The following COLEC10 variants were observed in gnomAD, a reference collection of about 807,000 sequenced individuals.
COLEC10 encodes the protein collectin-10.
A neutral mutation model predicts 28.4 loss-of-function variants in COLEC10; 22 were observed. The ratio of observed to expected loss-of-function variants is 0.78; its 90% CI spans 0.55 to 1.11. COLEC10 has a LOEUF of 1.11. COLEC10 is among the 50% of genes least tolerant of loss of function. The pLI is 0.00. For synonymous variants in COLEC10, 125 were observed against 116.1 expected (o/e 1.08, Z -0.49); for missense variants, 361 against 344.1 (o/e 1.05, Z -0.39).
chr8:119,018,341 G>A (rs1587000804), intron 2 of COLEC10, among the ~76,000 whole-genome samples: 1 of 152,072 alleles, frequency 6.6e-6, no homozygotes, highest in East Asian at 1.9e-4. Flanking sequence ...TACTTTGATG[G>A]TTTCTCAACT....
the COLEC10 span, among the ~76,000 whole-genome samples, chr8:118,978,003 T>C: frequency 2.0e-5 from 3 of 151,902 alleles, no homozygotes; most frequent in Admixed American, 6.6e-5. Flanking sequence ...GGGTACTTAA[T>C]AGAAAGACGT....
the COLEC10 span, among the ~76,000 whole-genome samples, chr8:118,971,945 C>A: frequency 1.3e-5 from 2 of 151,976 alleles, no homozygotes; most frequent in Non-Finnish European, 2.9e-5. Context: ...CCACCTGCAA[C>A]CAGACTTCTA....
chr8:119,032,797 G>A (rs980536074), intron 2 of COLEC10, among the ~76,000 whole-genome samples: 1 of 152,222 alleles, frequency 6.6e-6, no homozygotes, highest in African/African-American at 2.4e-5. Flanking sequence ...AGCTACCTGG[G>A]AGGCTGAGGC....
At chr8:119,067,190 C>T (rs1306780045), upstream of COLEC10, 7 of 1,335,428 alleles carry the variant, frequency 5.2e-6, no homozygotes, top group East Asian at 1.4e-4. Flanking sequence ...GTTCCAAATA[C>T]TTCCCCTTCT....
At chr8:119,034,731 G>T (rs532694051) in intron 2 of COLEC10, among the ~76,000 whole-genome samples, 4 of 152,178 alleles carry the variant, frequency 2.6e-5, no homozygotes, top group African/African-American at 9.6e-5. Context: ...AAACTATGAT[G>T]TTAGTCTTAC....
At chr8:118,980,992 T>C in the COLEC10 span, among the ~76,000 whole-genome samples, 1 of 151,946 alleles carries the variant, frequency 6.6e-6, no homozygotes, top group Non-Finnish European at 1.5e-5. Flanking sequence ...CAAGGTACCA[T>C]ATATTTCTTT....
upstream of COLEC10, among the ~76,000 whole-genome samples, chr8:118,991,595 C>T (rs1442463076): frequency 2.0e-5 from 3 of 152,046 alleles, no homozygotes; most frequent in African/African-American, 4.8e-5. Context: ...ATGCACTCAC[C>T]ATAATACATT....
At chr8:118,986,998 T>G in the COLEC10 span, among the ~76,000 whole-genome samples, 1 of 152,084 alleles carries the variant, frequency 6.6e-6, no homozygotes. Flanking sequence ...CTAAGTACCA[T>G]TGAACTATGC....
intron 1 of COLEC10, chr8:119,009,369 TC>T (rs1813863900): frequency 6.6e-6 from 1 of 150,674 alleles, no homozygotes; most frequent in East Asian, 1.9e-4. Context: ...AAGTTCTCTC[TC>T]TCTCTCTTTC....
intron 2 of COLEC10, among the ~76,000 whole-genome samples, chr8:119,046,869 C>A (rs2130167201): frequency 6.6e-6 from 1 of 152,300 alleles, no homozygotes; most frequent in Admixed American, 6.5e-5. Flanking sequence ...GATCATGACC[C>A]ATAAACTATC....
intron 3 of COLEC10, among the ~76,000 whole-genome samples, chr8:119,092,720 A>T (rs1815633023): frequency 1.3e-5 from 2 of 152,084 alleles, no homozygotes; most frequent in South Asian, 4.2e-4. Flanking sequence ...AGCCTGGCCA[A>T]GATAGCAAAA....
chr8:119,033,258 A>AT (rs573004274), intron 2 of COLEC10, among the ~76,000 whole-genome samples: 15 of 150,478 alleles, frequency 1.0e-4, no homozygotes, highest in Middle Eastern at 3.4e-3. Flanking sequence ...TCTTCAGATA[A>AT]TTTTTTTTTT....
In COLEC10 at chr8:119,102,413, T is replaced by C. The variant is rs774362310; in HGVS notation, c.346+12T>C. On this transcript the variant is annotated intron_variant, in intron 4 of 5. Coordinates refer to ENST00000332843, the MANE Select transcript of COLEC10 (RefSeq NM_006438.5). ...AAAAGGCAAAGCAGGTACGATATGTTCAATGTTCTCTTTGATTTCTAGCAT... is the reference window on the plus strand; with the variant it reads ...AAAAGGCAAAGCAGGTACGATATGTCCAATGTTCTCTTTGATTTCTAGCAT... 6 of 1,594,000 alleles carry C rather than the reference T, an allele frequency of 3.8e-6. No individual in the cohort carries two copies. In the South Asian group the frequency reaches 6.9e-5, roughly 18 times the overall value.
At chr8:119,076,262 CT>C (rs71296909) in intron 1 of COLEC10, among the ~76,000 whole-genome samples, 10,370 of 138,294 alleles carry the variant, frequency 0.075, 452 homozygotes, top group Middle Eastern at 0.18. Flanking sequence ...ACACAAAATT[CT>C]TTTTTTTTTT....
At chr8:119,054,211 C>T (rs192921340) in intron 2 of COLEC10, among the ~76,000 whole-genome samples, 162 of 152,152 alleles carry the variant, frequency 1.1e-3, no homozygotes, top group African/African-American at 3.6e-3. Context: ...CATCATGCTA[C>T]TCAGATGGCA....
At chr8:118,975,654 T>G in the COLEC10 span, among the ~76,000 whole-genome samples, 2 of 152,018 alleles carry the variant, frequency 1.3e-5, no homozygotes, top group Non-Finnish European at 2.9e-5. Context: ...TCCAAACTAT[T>G]AATCTTGCCT....
intron 3 of COLEC10, among the ~76,000 whole-genome samples, chr8:119,100,972 T>C (rs1815813637): frequency 6.6e-6 from 1 of 152,156 alleles, no homozygotes; most frequent in Admixed American, 6.6e-5. Context: ...CATGCCTTCT[T>C]CTGAATGATC....
intron 2 of COLEC10, among the ~76,000 whole-genome samples, chr8:119,043,730 A>G (rs1419708818): frequency 6.6e-6 from 1 of 152,216 alleles, no homozygotes; most frequent in Non-Finnish European, 1.5e-5. Flanking sequence ...ATGCATATGA[A>G]TACATGCAGA....
intron 3 of COLEC10, among the ~76,000 whole-genome samples, chr8:119,094,889 A>T (rs1815678972): frequency 1.3e-5 from 2 of 152,216 alleles, no homozygotes; most frequent in Admixed American, 1.3e-4. Context: ...CTACTTAAAA[A>T]TGATACTCCA....
Sources: allele counts gnomAD v4.1 joint callset (sites outside exome capture counted in the v4.1 genomes callset), GRCh38; gene constraint gnomAD v4.1.1; transcripts MANE v1.5; gene names NCBI Gene and HGNC (gene_info 2026-07-23, HGNC 2026-07-21).